The following AK4 variants were observed in gnomAD, a reference collection of about 807,000 sequenced individuals.
The protein encoded by AK4 is adenylate kinase 4.
In AK4, 13 loss-of-function variants were observed where a neutral mutation model predicts 24.6. The observed-to-expected ratio is 0.53, with a 90% CI of 0.34 to 0.84. The LOEUF (loss-of-function observed/expected upper bound fraction) is 0.84. Among genes scored for constraint, AK4 ranks in the 40% least tolerant of loss-of-function variants. AK4 has a pLI of 0.01. For missense variants in AK4, 192 were observed against 288.2 expected, an observed-to-expected ratio of 0.67 and a Z score of 2.42; for synonymous variants, 88 against 107.0, an observed-to-expected ratio of 0.82 and a Z score of 1.10.
chr1:65,171,122 A>ATTTTT (rs59764198), intron 1 of AK4, among the ~76,000 whole-genome samples: 5 of 122,940 alleles, frequency 4.1e-5, no homozygotes, highest in African/African-American at 6.3e-5. Flanking sequence ...TGCTTGGCTA[A>ATTTTT]TTTTTTTTTT....
At chr1:65,164,453 T>C (rs1557440838) in intron 1 of AK4, among the ~76,000 whole-genome samples, 3 of 152,194 alleles carry the variant, frequency 2.0e-5, no homozygotes, top group Non-Finnish European at 4.4e-5. Context: ...CAATTTTAGC[T>C]ACCCTATTGA....
intron 2 of AK4, among the ~76,000 whole-genome samples, chr1:65,196,940 C>T (rs1044760373): frequency 4.6e-5 from 7 of 152,152 alleles, no homozygotes; most frequent in African/African-American, 1.7e-4. Context: ...CAAATCACAT[C>T]GTACCTGGAT....
intron 1 of AK4, among the ~76,000 whole-genome samples, chr1:65,159,276 A>G (rs758132213): frequency 1.3e-5 from 2 of 152,226 alleles, no homozygotes. Context: ...AATGAATGCA[A>G]ATTATCTCTA....
chr1:65,161,781 C>A (rs960559434), intron 1 of AK4, among the ~76,000 whole-genome samples: 2 of 152,056 alleles, frequency 1.3e-5, no homozygotes, highest in African/African-American at 2.4e-5. Flanking sequence ...AAATAAGACA[C>A]CTCATATACC....
rs79576003 is a variant in AK4, at chr1:65,176,212, C to T, written c.146-14498C>T. 6.5e-3 allele frequency among the ~76,000 whole-genome samples: 983 copies of T among 152,220 alleles called. 29 individuals carry two copies. The highest frequency in any genetic ancestry group is 0.046 in the Admixed American group (707 of 15,286). On this transcript the variant is annotated intron_variant, in intron 1 of 4. Coordinates refer to ENST00000327299, the MANE Select transcript of AK4 (RefSeq NM_013410.4). Reference sequence around the variant, plus strand: ...TGGATCACCTTCTTTTTCAGTAATGCCAGCCCCTCCCCTACCCAAAGTCAT... The same window carrying T: ...TGGATCACCTTCTTTTTCAGTAATGTCAGCCCCTCCCCTACCCAAAGTCAT...
intron 3 of AK4, among the ~76,000 whole-genome samples, chr1:65,224,477 A>G (rs555982638): frequency 3.9e-5 from 6 of 152,334 alleles, no homozygotes; most frequent in Admixed American, 1.3e-4. Flanking sequence ...TTTAGGCTGA[A>G]TTGAAAGTAC....
At chr1:65,211,806 TAAAA>T (rs912728749) in intron 2 of AK4, among the ~76,000 whole-genome samples, 2 of 152,170 alleles carry the variant, frequency 1.3e-5, no homozygotes, top group African/African-American at 4.8e-5. Context: ...TAGAAACACT[TAAAA>T]AATAAGGTAA....
chr1:65,151,575 A>G (rs1649772611), intron 1 of AK4, among the ~76,000 whole-genome samples: 1 of 152,076 alleles, frequency 6.6e-6, no homozygotes. Context: ...TGCCTATACC[A>G]TTGTACAATT....
intron 1 of AK4, chr1:65,154,575 G>C: frequency 1.9e-6 from 1 of 518,214 alleles, no homozygotes; most frequent in Admixed American, 1.9e-5. Context: ...GTCTGATCCA[G>C]AAATGTGGCC....
intron 1 of AK4, among the ~76,000 whole-genome samples, chr1:65,161,686 C>T (rs1650171552): frequency 6.6e-6 from 1 of 151,980 alleles, no homozygotes; most frequent in South Asian, 2.1e-4. Flanking sequence ...TTGTCTGTTG[C>T]CATTTGAATA....
chr1:65,219,673 CTTCA>C (rs897411724), intron 3 of AK4, among the ~76,000 whole-genome samples: 64 of 152,186 alleles, frequency 4.2e-4, no homozygotes, highest in Middle Eastern at 3.4e-3. Context: ...ACCCTAGCTT[CTTCA>C]TTATTAGCAT....
chr1:65,176,980 G>A (rs1445452501), intron 1 of AK4, among the ~76,000 whole-genome samples: 2 of 152,176 alleles, frequency 1.3e-5, no homozygotes, highest in Non-Finnish European at 2.9e-5. Flanking sequence ...CACAATTAGT[G>A]ATTAAGAGAT....
intron 2 of AK4, among the ~76,000 whole-genome samples, chr1:65,203,873 ACT>A (rs1348724986): frequency 6.6e-6 from 1 of 152,068 alleles, no homozygotes; most frequent in Non-Finnish European, 1.5e-5. Flanking sequence ...ACAATGTAAA[ACT>A]CTTGATTGTC....
intron 3 of AK4, among the ~76,000 whole-genome samples, chr1:65,222,725 CATAAGA>C (rs1391593204): frequency 2.6e-5 from 4 of 152,162 alleles, no homozygotes; most frequent in African/African-American, 4.8e-5. Flanking sequence ...ACTCATAAAT[CATAAGA>C]ATAAGTCATA....
chr1:65,212,452 C>T lies in AK4; in HGVS notation c.266-6302C>T, dbSNP rs148355992. On this transcript the variant is annotated intron_variant, in intron 2 of 4. Transcript: ENST00000327299. ...GCTGGGATGAGCCACTGTGCTCAGC[C>T]TAGGATCCACCCATGCTCACCCACC... 2.9e-3 allele frequency among the ~76,000 whole-genome samples: 435 copies of T among 152,074 alleles called. 8 individuals are homozygous for T. The highest frequency in any genetic ancestry group is 9.8e-3 in the African/African-American group (405 of 41,486).
intron 1 of AK4, among the ~76,000 whole-genome samples, chr1:65,152,985 T>C (rs998669323): frequency 2.6e-5 from 4 of 152,186 alleles, no homozygotes; most frequent in African/African-American, 7.2e-5. Flanking sequence ...ATACAGAGTC[T>C]TGGCTTATTA....
intron 1 of AK4, among the ~76,000 whole-genome samples, chr1:65,188,938 TTTTTTA>T (rs1220920695): frequency 6.6e-6 from 1 of 151,220 alleles, no homozygotes; most frequent in Non-Finnish European, 1.5e-5. Flanking sequence ...CCTAATTTAT[TTTTTTA>T]TTTTTATTTT....
intron 1 of AK4, among the ~76,000 whole-genome samples, chr1:65,155,763 G>A (rs1156285883): frequency 1.3e-5 from 2 of 151,742 alleles, no homozygotes; most frequent in African/African-American, 2.4e-5. Context: ...TCCACCTCCC[G>A]GGTTCAAGTG....
At chr1:65,196,410 A>G (rs75676821) in intron 2 of AK4, among the ~76,000 whole-genome samples, 1 of 152,126 alleles carries the variant, frequency 6.6e-6, no homozygotes, top group African/African-American at 2.4e-5. Context: ...CTAAAAAAAA[A>G]GTTCAGCACT....
Sources: allele counts gnomAD v4.1 joint callset (sites outside exome capture counted in the v4.1 genomes callset), GRCh38; gene constraint gnomAD v4.1.1; transcripts MANE v1.5; gene names NCBI Gene and HGNC (gene_info 2026-07-23, HGNC 2026-07-21).